The following KCNK9 variants were observed in gnomAD, a reference collection of about 807,000 sequenced individuals.
KCNK9 encodes the protein potassium two pore domain channel subfamily K member 9.
In KCNK9, 1 loss-of-function variant was observed where a neutral mutation model predicts 10.8. The ratio of observed to expected loss-of-function variants is 0.09; its 90% CI spans 0.03 to 0.44. The LOEUF is 0.44. Ranked by LOEUF, KCNK9 falls within the 20% of genes least tolerant of loss-of-function variation. The probability of loss-of-function intolerance (pLI) is 0.97; values close to 1 mark genes in which losing one functional copy is unlikely to be tolerated. For missense variants in KCNK9, 303 were observed against 515.0 expected (o/e 0.59, Z 3.98); for synonymous variants, 231 against 222.7 (o/e 1.04, Z -0.33).
At chr8:139,627,973 C>A (rs944626433) in intron 1 of KCNK9, among the ~76,000 whole-genome samples, 1 of 152,090 alleles carries the variant, frequency 6.6e-6, no homozygotes. Context: ...AAAGAGAAGC[C>A]GAAAATATGG....
intron 1 of KCNK9, among the ~76,000 whole-genome samples, chr8:139,667,067 C>A (rs116328282): frequency 0.032 from 4,806 of 152,338 alleles, 141 homozygotes; most frequent in African/African-American, 0.076. Flanking sequence ...TTGGTGCAGA[C>A]CAGACAGCCC....
intron 1 of KCNK9, among the ~76,000 whole-genome samples, chr8:139,650,364 C>T (rs1448039386): frequency 2.0e-5 from 3 of 152,308 alleles, no homozygotes; most frequent in African/African-American, 7.2e-5. Context: ...GAACATGCAT[C>T]GACCTGGCAC....
intron 1 of KCNK9, among the ~76,000 whole-genome samples, chr8:139,661,537 C>G (rs1816151127): frequency 6.6e-6 from 1 of 152,198 alleles, no homozygotes; most frequent in Non-Finnish European, 1.5e-5. Context: ...GAAGGGTATG[C>G]CCTCCCCTCT....
chr8:139,661,832 C>T (rs530889777), intron 1 of KCNK9, among the ~76,000 whole-genome samples: 2 of 152,334 alleles, frequency 1.3e-5, no homozygotes, highest in East Asian at 3.9e-4. Flanking sequence ...ACCATTTGAC[C>T]CACCTGGGTG....
intron 1 of KCNK9, among the ~76,000 whole-genome samples, chr8:139,623,413 C>T (rs1051014261): frequency 1.3e-5 from 2 of 152,186 alleles, no homozygotes; most frequent in African/African-American, 2.4e-5. Context: ...GGGGATTCCA[C>T]AAACACTTCT....
At chr8:139,660,936 G>T (rs963290745) in intron 1 of KCNK9, among the ~76,000 whole-genome samples, 8 of 152,182 alleles carry the variant, frequency 5.3e-5, no homozygotes, top group African/African-American at 1.7e-4. Context: ...GGCCATGGGA[G>T]CATCCTCAAC....
intron 1 of KCNK9, among the ~76,000 whole-genome samples, chr8:139,675,367 G>A (rs557785386): frequency 5.3e-5 from 8 of 152,316 alleles, no homozygotes; most frequent in Middle Eastern, 3.4e-3. Flanking sequence ...AAATCCATAT[G>A]TTAAAATTTT....
chr8:139,686,847 C>T (rs1423882877), intron 1 of KCNK9, among the ~76,000 whole-genome samples: 1 of 152,068 alleles, frequency 6.6e-6, no homozygotes, highest in Non-Finnish European at 1.5e-5. Context: ...AACTCACTTG[C>T]AAATTATTTA....
At chr8:139,601,779 G>T (rs1305099793) in intron 2 of KCNK9, among the ~76,000 whole-genome samples, 1 of 152,140 alleles carries the variant, frequency 6.6e-6, no homozygotes, top group Admixed American at 6.5e-5. Context: ...TGCATGTTAG[G>T]TTCTCTATAG....
chr8:139,608,690 C>T (rs1454403113), downstream of KCNK9, among the ~76,000 whole-genome samples: 2 of 152,154 alleles, frequency 1.3e-5, no homozygotes, highest in African/African-American at 2.4e-5. Context: ...ACGTACTGCA[C>T]GCCGTACCCA....
intron 1 of KCNK9, among the ~76,000 whole-genome samples, chr8:139,635,782 G>A (rs976295096): frequency 6.6e-5 from 10 of 152,168 alleles, no homozygotes; most frequent in African/African-American, 2.2e-4. Flanking sequence ...GAGGCAGCCT[G>A]GAAGCATCTT....
intron 1 of KCNK9, among the ~76,000 whole-genome samples, chr8:139,690,105 C>T (rs981221367): frequency 1.8e-4 from 28 of 152,190 alleles, no homozygotes; most frequent in African/African-American, 5.3e-4. Flanking sequence ...TGATTTGTTA[C>T]ATACACATCA....
intron 1 of KCNK9, among the ~76,000 whole-genome samples, chr8:139,657,035 G>A (rs1816040821): frequency 6.6e-6 from 1 of 152,130 alleles, no homozygotes; most frequent in Non-Finnish European, 1.5e-5. Context: ...CAGGTGCTAT[G>A]TCCTCCAACA....
intron 1 of KCNK9, among the ~76,000 whole-genome samples, chr8:139,641,399 CA>C (rs1815501244): frequency 6.6e-6 from 1 of 152,198 alleles, no homozygotes; most frequent in Non-Finnish European, 1.5e-5. Flanking sequence ...TCAGCCCAGA[CA>C]ATCAAGCCAG....
rs1814623063 is a variant in KCNK9 at position 139,617,150 on chromosome 8, AGG to A, written c.*1106_*1107del. ...TTGAAATAGATATGTATTTTTAATG[AGG>A]AATGCCCTGTCAATTTTCATGAGGA... is the stretch of plus-strand genomic sequence containing the variant. On this transcript the variant is annotated 3_prime_UTR_variant, in exon 2 of 2. Coordinates refer to ENST00000520439, the MANE Select transcript of KCNK9 (RefSeq NM_001282534.2). The A allele has an allele frequency of 6.6e-6, 1 of 152,198 alleles. No individual in the cohort carries two copies. Among genetic ancestry groups the A allele is most frequent in the African/African-American group, 2.4e-5 (1 of 41,452 alleles). 9.4% of individuals were successfully genotyped at this position (152,198 alleles called of 1,614,324 possible).
At chr8:139,647,033 TC>T (rs1463958694) in intron 1 of KCNK9, among the ~76,000 whole-genome samples, 2 of 152,188 alleles carry the variant, frequency 1.3e-5, no homozygotes, top group Non-Finnish European at 2.9e-5. Context: ...GGCACTGGGC[TC>T]CCAGACCCTA....
At chr8:139,652,786 C>G (rs1815908554) in intron 1 of KCNK9, among the ~76,000 whole-genome samples, 1 of 152,166 alleles carries the variant, frequency 6.6e-6, no homozygotes, top group African/African-American at 2.4e-5. Context: ...GCTGCGGGAG[C>G]ACCCCTTGGC....
chr8:139,633,108 T>C (rs1815226341), intron 1 of KCNK9, among the ~76,000 whole-genome samples: 3 of 151,830 alleles, frequency 2.0e-5, no homozygotes, highest in Admixed American at 2.0e-4. Context: ...CATGTGCACA[T>C]AGACACAGGT....
At chr8:139,653,129 G>A (rs1421397435) in intron 1 of KCNK9, among the ~76,000 whole-genome samples, 1 of 152,130 alleles carries the variant, frequency 6.6e-6, no homozygotes, top group African/African-American at 2.4e-5. Flanking sequence ...GCTGCTCAGG[G>A]GCTTTACTGT....
Sources: allele counts gnomAD v4.1 joint callset (sites outside exome capture counted in the v4.1 genomes callset), GRCh38; gene constraint gnomAD v4.1.1; transcripts MANE v1.5; gene names NCBI Gene and HGNC (gene_info 2026-07-23, HGNC 2026-07-21).